The following AGMAT variants were observed in gnomAD, a reference collection of about 807,000 sequenced individuals.
AGMAT encodes the protein agmatinase (putative).
A neutral mutation model predicts 29.3 loss-of-function variants in AGMAT; 37 were observed. The ratio of observed to expected loss-of-function variants is 1.26; its 90% CI spans 0.97 to 1.66. AGMAT has a LOEUF of 1.66. AGMAT is among the 40% of genes most tolerant of loss of function. AGMAT has a pLI of 0.00. For synonymous variants in AGMAT, 199 were observed against 200.8 expected (o/e 0.99, Z 0.08); for missense variants, 498 against 497.8 (o/e 1.00, Z 0.00).
chr1:15,577,002 A>G (rs75777493), intron 5 of AGMAT, among the ~76,000 whole-genome samples: 43,627 of 148,834 alleles, frequency 0.29, 7,457 homozygotes, highest in African/African-American at 0.47. Context: ...CACCCACCTC[A>G]GCCTCCCAAA....
intron 5 of AGMAT, chr1:15,575,055 G>A: frequency 2.1e-6 from 1 of 470,592 alleles, no homozygotes; most frequent in East Asian, 3.8e-5. Flanking sequence ...GTGTGGTGAT[G>A]GAGACAAGGA....
intron 2 of AGMAT, among the ~76,000 whole-genome samples, chr1:15,581,086 G>A (rs1639107363): frequency 1.3e-5 from 2 of 152,230 alleles, no homozygotes; most frequent in African/African-American, 2.4e-5. Flanking sequence ...AAATAGACCA[G>A]GCGCAGTGGC....
In AGMAT at chr1:15,583,356, A is replaced by C; in HGVS notation, c.312T>G (p.Leu104=). 1 of 1,614,056 alleles carries C rather than the reference A, an allele frequency of 6.2e-7. No individual in the cohort carries two copies. ...PRRIREESVM[L]GTVNPSTGAL... Reference sequence around the variant, plus strand: ...CCCCCGTGCTAGGATTGACTGTCCCAAGCATCACTGATTCTTCCCGGATGC... The same window carrying C: ...CCCCCGTGCTAGGATTGACTGTCCCCAGCATCACTGATTCTTCCCGGATGC... The change falls in exon 2 of 7, where the codon CTT becomes CTG. Residue 104 remains leucine (L), a synonymous_variant. Coordinates refer to ENST00000375826, the MANE Select transcript of AGMAT (RefSeq NM_024758.5).
rs368918523 is a variant in AGMAT at position 15,583,380 on chromosome 1, G to A, written c.288C>T (p.Arg96=). The change falls in exon 2 of 7, where the codon CGC becomes CGT. Residue 96 remains arginine, a synonymous_variant. Transcript: ENST00000375826. The part of the protein sequence containing the change: ...NRPGARFGPR[R]IREESVMLGT... ...CAAGCATCACTGATTCTTCCCGGATGCGGCGAGGTCCGAATCTGCAGAAGG... is the reference window on the plus strand; with the variant it reads ...CAAGCATCACTGATTCTTCCCGGATACGGCGAGGTCCGAATCTGCAGAAGG... 60 of 1,613,624 alleles carry A rather than the reference G, an allele frequency of 3.7e-5. No individual in the cohort carries two copies. Among genetic ancestry groups the A allele is most frequent in the Non-Finnish European group, 5.0e-5 (59 of 1,179,924 alleles).
Sources: gnomAD v4.1 joint callset for allele counts (sites outside exome capture counted in the v4.1 genomes callset) on GRCh38, gnomAD v4.1.1 for gene constraint, MANE v1.5 for transcripts, NCBI Gene and HGNC (gene_info 2026-07-23, HGNC 2026-07-21) for gene names.